Variants in MAD1L1 observed in about 807,000 individuals in gnomAD.
MAD1L1 encodes the protein mitotic arrest deficient 1 like 1.
MAD1L1 carries 95 observed loss-of-function variants against 96.9 expected under a neutral mutation model. The observed-to-expected ratio is 0.98, with a 90% CI of 0.83 to 1.16. MAD1L1 has a LOEUF of 1.16. Ranked by LOEUF, MAD1L1 falls within the 50% of genes most tolerant of loss-of-function variation. MAD1L1 has a pLI of 0.00. For synonymous variants in MAD1L1, 473 were observed against 396.6 expected, an observed-to-expected ratio of 1.19 and a Z score of -2.29; for missense variants, 1,007 against 954.4, an observed-to-expected ratio of 1.06 and a Z score of -0.73.
At chr7:1,820,999 T>C (rs552250101) in intron 18 of MAD1L1, among the ~76,000 whole-genome samples, 1 of 142,474 alleles carries the variant, frequency 7.0e-6, no homozygotes, top group Admixed American at 7.4e-5. Flanking sequence ...GAGAATGGCA[T>C]GAACCCAGGA....
chr7:1,949,875 A>G (rs543881221), intron 16 of MAD1L1, among the ~76,000 whole-genome samples: 1 of 152,346 alleles, frequency 6.6e-6, no homozygotes, highest in South Asian at 2.1e-4. Context: ...CGGGCCTCCA[A>G]GAGGCTGCAG....
chr7:2,078,462 G>A (rs778644768), intron 11 of MAD1L1, among the ~76,000 whole-genome samples: 8 of 152,220 alleles, frequency 5.3e-5, no homozygotes, highest in East Asian at 3.9e-4. Flanking sequence ...CACGCTCACG[G>A]GGCCTCCGCG....
Position 1,889,583 on chromosome 7 carries a change from A to G in MAD1L1, c.1998+8617T>C, listed in dbSNP as rs376842998. Among the ~76,000 whole-genome samples, 109 of 150,464 alleles carry G rather than the reference A, an allele frequency of 7.2e-4. 1 individual carries two copies. The highest frequency in any genetic ancestry group is 2.4e-3 in the African/African-American group (99 of 41,360). On this transcript the variant is annotated intron_variant, in intron 18 of 18. Transcript: ENST00000265854. ...TGGAGCTGCCCCTGCACCATCTCCT[A>G]TGTTCCCTGCAACGCAGAGAGATGC...
intron 12 of MAD1L1, among the ~76,000 whole-genome samples, chr7:2,019,268 G>A (rs1782675547): frequency 6.6e-6 from 1 of 152,202 alleles, no homozygotes; most frequent in African/African-American, 2.4e-5. Flanking sequence ...GACAGAGGCT[G>A]GGAGAGGCAG....
chr7:2,086,403 T>C (rs1312628266), intron 11 of MAD1L1, among the ~76,000 whole-genome samples: 1 of 152,148 alleles, frequency 6.6e-6, no homozygotes, highest in African/African-American at 2.4e-5. Flanking sequence ...GACCTTTAAT[T>C]GGAGGCTCCA....
At chr7:2,216,695 C>T (rs1410494083) in intron 7 of MAD1L1, among the ~76,000 whole-genome samples, 3 of 152,066 alleles carry the variant, frequency 2.0e-5, no homozygotes, top group Non-Finnish European at 2.9e-5. Flanking sequence ...TGTGTAGGAG[C>T]GGGCGCAGGG....
chr7:2,186,993 A>T (rs940735137), intron 10 of MAD1L1, among the ~76,000 whole-genome samples: 1 of 151,798 alleles, frequency 6.6e-6, no homozygotes, highest in East Asian at 2.0e-4. Context: ...AGGTTTCGCC[A>T]TGTTGGCCAG....
At chr7:2,050,236 G>A (rs755521124) in intron 12 of MAD1L1, among the ~76,000 whole-genome samples, 3 of 152,194 alleles carry the variant, frequency 2.0e-5, no homozygotes, top group Admixed American at 6.5e-5. Context: ...CAGCATCTGC[G>A]GGCATCACCG....
chr7:2,227,863 C>T (rs1328754657), intron 3 of MAD1L1, among the ~76,000 whole-genome samples: 5 of 152,176 alleles, frequency 3.3e-5, no homozygotes, highest in Admixed American at 2.0e-4. Context: ...ACACCTGATC[C>T]GTGTGCCACC....
intron 12 of MAD1L1, among the ~76,000 whole-genome samples, chr7:2,065,023 G>C (rs1784820751): frequency 6.6e-6 from 1 of 152,190 alleles, no homozygotes; most frequent in South Asian, 2.1e-4. Context: ...GAGGACAGCG[G>C]CTGCTCATGG....
At chr7:1,998,001 T>G (rs1781633338) in intron 14 of MAD1L1, among the ~76,000 whole-genome samples, 1 of 152,196 alleles carries the variant, frequency 6.6e-6, no homozygotes, top group South Asian at 2.1e-4. Context: ...AGTCAAATGC[T>G]GCAGCTTGGG....
intron 13 of MAD1L1, among the ~76,000 whole-genome samples, chr7:2,010,899 GT>G (rs770150901): frequency 2.0e-5 from 3 of 152,300 alleles, no homozygotes; most frequent in South Asian, 2.1e-4. Context: ...AGGAGTGTGA[GT>G]GGGGGACAGA....
At chr7:1,834,564 G>A (rs1782855415) in intron 18 of MAD1L1, among the ~76,000 whole-genome samples, 1 of 152,086 alleles carries the variant, frequency 6.6e-6, no homozygotes, top group East Asian at 1.9e-4. Flanking sequence ...AACTACTAAA[G>A]CTCACCACAA....
intron 14 of MAD1L1, among the ~76,000 whole-genome samples, chr7:1,999,252 A>C (rs538906311): frequency 1.3e-5 from 2 of 152,196 alleles, no homozygotes; most frequent in South Asian, 4.1e-4. Flanking sequence ...ACAAAACAAC[A>C]ACCCCACCCC....
chr7:2,032,129 C>T (rs1315737157), intron 12 of MAD1L1, among the ~76,000 whole-genome samples: 1 of 152,246 alleles, frequency 6.6e-6, no homozygotes, highest in Admixed American at 6.5e-5. Context: ...AGCTCCCTGA[C>T]CCCTCATTCA....
intron 12 of MAD1L1, among the ~76,000 whole-genome samples, chr7:2,027,618 C>T (rs963271830): frequency 1.3e-5 from 2 of 152,162 alleles, no homozygotes; most frequent in Non-Finnish European, 2.9e-5. Context: ...TCAATATTTG[C>T]AGAAAAGGCA....
intron 11 of MAD1L1, among the ~76,000 whole-genome samples, chr7:2,120,266 G>A (rs994092203): frequency 6.6e-6 from 1 of 152,124 alleles, no homozygotes; most frequent in African/African-American, 2.4e-5. Flanking sequence ...CAACAGCCCC[G>A]CCTGTATGTT....
At chr7:1,940,599 G>C (rs1436494598) in intron 16 of MAD1L1, 3 of 152,222 alleles carry the variant, frequency 2.0e-5, no homozygotes, top group Non-Finnish European at 4.4e-5. Flanking sequence ...CTCCTGCGGA[G>C]AGCAGCCAGT....
At chr7:1,913,697 C>T (rs1158707818) in intron 17 of MAD1L1, among the ~76,000 whole-genome samples, 1 of 152,090 alleles carries the variant, frequency 6.6e-6, no homozygotes, top group Non-Finnish European at 1.5e-5. Context: ...CCCCAGTGGC[C>T]TCTCCCCCAG....
Sources: gnomAD v4.1 joint callset for allele counts (sites outside exome capture counted in the v4.1 genomes callset) on GRCh38, gnomAD v4.1.1 for gene constraint, MANE v1.5 for transcripts, NCBI Gene and HGNC (gene_info 2026-07-23, HGNC 2026-07-21) for gene names.